RYR2: variants seen among roughly 807,000 people sequenced by gnomAD.
The protein encoded by RYR2 is cardiac muscle ryanodine receptor-calcium release channel.
In RYR2, 227 loss-of-function variants were observed where a neutral mutation model predicts 601.1. The ratio of observed to expected loss-of-function variants is 0.38; its 90% confidence interval spans 0.34 to 0.42. The LOEUF is 0.42. Ranked by LOEUF, RYR2 falls within the 10% of genes least tolerant of loss-of-function variation. The probability of loss-of-function intolerance (pLI) is 1.00; values close to 1 mark genes in which losing one functional copy is unlikely to be tolerated. For missense variants in RYR2, 4,646 were observed against 6,156.5 expected (o/e 0.75, Z 8.21); for synonymous variants, 2,223 against 2,175.1 (o/e 1.02, Z -0.61).
In RYR2 at chr1:237,673,056, G is replaced by A. The variant is rs776756190; in HGVS notation, c.8591-1040G>A. ...GGCTAATTCAACATTTGTGATTGTT[G>A]CAGTAGCTCCTGGCTAAACTATATT... On this transcript the variant is annotated intron_variant, in intron 58 of 104. Transcript: ENST00000366574. Among the ~76,000 whole-genome samples the A allele has an allele frequency of 3.7e-4, 56 of 152,120 alleles. 1 individual carries two copies. Among genetic ancestry groups the A allele is most frequent in the Non-Finnish European group, 3.7e-4 (25 of 68,026 alleles).
intron 30 of RYR2, 123 bp downstream of exon 30, chr1:237,590,124 T>C: frequency 2.3e-6 from 2 of 872,410 alleles, no homozygotes; most frequent in South Asian, 1.9e-5. Context: ...TGATGTGTTA[T>C]ATAGTAGTGG....
chr1:237,307,285 G>C (rs1251317909), intron 2 of RYR2, among the ~76,000 whole-genome samples: 1 of 152,136 alleles, frequency 6.6e-6, no homozygotes, highest in African/African-American at 2.4e-5. Flanking sequence ...AGATCACATA[G>C]CTGCTGAGTA....
intron 80 of RYR2, among the ~76,000 whole-genome samples, chr1:237,746,977 A>T (rs1206030451): frequency 6.6e-6 from 1 of 152,184 alleles, no homozygotes; most frequent in Non-Finnish European, 1.5e-5. Flanking sequence ...ATTAACTATG[A>T]TTTTATTAAA....
rs766012650 is a variant in RYR2, at chr1:237,614,035, A to G, written c.4911-4A>G. On this transcript the variant is annotated splice_region_variant and splice_polypyrimidine_tract_variant and intron_variant, in intron 36 of 104. Transcript: ENST00000366574. The surrounding 1 kb of genome is among the most constrained non-coding windows in gnomAD (Gnocchi z 4.3). ...TCTTACTACCACTCTCCTCCCTTCT[A>G]CAGATCTGTTGACATCTTAGAGTTG... 2 of 1,608,292 alleles carry G rather than the reference A, an allele frequency of 1.2e-6. No individual in the cohort carries two copies. Among genetic ancestry groups the G allele is most frequent in the South Asian group, 2.2e-5 (2 of 90,788 alleles).
At chr1:237,723,020 A>G (rs1382971682) in intron 73 of RYR2, 108 bp from the exon 74 acceptor site, 2 of 928,204 alleles carry the variant, frequency 2.2e-6, no homozygotes, top group East Asian at 4.9e-5. Context: ...ACTGGTAAAC[A>G]CTGTAAAGCC....
chr1:237,172,162 T>C (rs1677478548), intron 1 of RYR2, among the ~76,000 whole-genome samples: 1 of 152,250 alleles, frequency 6.6e-6, no homozygotes, highest in Non-Finnish European at 1.5e-5. Flanking sequence ...GGAAATCTTA[T>C]TCCTTTTTAA....
At chr1:237,126,176 G>T (rs527858009) in intron 1 of RYR2, among the ~76,000 whole-genome samples, 1 of 151,584 alleles carries the variant, frequency 6.6e-6, no homozygotes, top group Admixed American at 6.6e-5. Flanking sequence ...GGCAGAGGTT[G>T]CAGTGAGCCG....
intron 35 of RYR2, among the ~76,000 whole-genome samples, chr1:237,607,387 A>G (rs1677253267): frequency 6.6e-6 from 1 of 151,264 alleles, no homozygotes. Context: ...AAACACTTGG[A>G]CACAGGAAGA....
intron 1 of RYR2, among the ~76,000 whole-genome samples, chr1:237,247,216 G>C (rs6675194): frequency 6.6e-6 from 1 of 152,108 alleles, no homozygotes; most frequent in Non-Finnish European, 1.5e-5. Context: ...AAAAGCTCTC[G>C]ACACTGTGAA....
At chr1:237,062,969 TTC>T (rs1023405288) in intron 1 of RYR2, among the ~76,000 whole-genome samples, 1 of 152,136 alleles carries the variant, frequency 6.6e-6, no homozygotes, top group African/African-American at 2.4e-5. Flanking sequence ...GTTTTTTTTT[TTC>T]TGTTAGTGCA....
In RYR2 at chr1:237,481,111, T is replaced by TATATATATATGTGTAA. The variant is rs1328353659; in HGVS notation, c.1709-10685_1709-10684insGTGTAAATATATATAT. Reference sequence around the variant, plus strand: ...TTATTTTTAAGTGTATATATACATATATATATATATATATACACACACATA... The same window carrying TATATATATATGTGTAA: ...TTATTTTTAAGTGTATATATACATATATATATATATGTGTAAATATATATATATATACACACACATA... On this transcript the variant is annotated intron_variant, in intron 17 of 104. Transcript: ENST00000366574. 1.8e-4 allele frequency among the ~76,000 whole-genome samples: 21 copies of TATATATATATGTGTAA among 118,434 alleles called. 1 individual carries two copies. The highest frequency in any genetic ancestry group is 3.0e-4 in the African/African-American group (6 of 20,154). 77.7% of individuals were successfully genotyped at this position (118,434 alleles called of 152,430 possible).
intron 1 of RYR2, among the ~76,000 whole-genome samples, chr1:237,225,291 C>G (rs943358012): frequency 1.2e-4 from 18 of 152,156 alleles, no homozygotes; most frequent in African/African-American, 4.3e-4. Flanking sequence ...GGATGCCCAC[C>G]TGTATTCGTC....
rs866547321 is a variant in RYR2 at position 237,783,604 on chromosome 1, C to T, written c.11963-71C>T. 21 of 884,148 alleles carry T rather than the reference C, an allele frequency of 2.4e-5. No homozygotes were observed. The Middle Eastern group carries it at 7.5e-4, about 31-fold the overall frequency. The allele number at this position is 884,148 out of a possible 1,614,324, so 54.8% of individuals were successfully genotyped here. A position where few individuals can be genotyped will look rare whatever the true frequency, so the allele number is the denominator to read the frequency against. On this transcript the variant is annotated intron_variant, in intron 89 of 104. Transcript: ENST00000366574. ...TGATTCAGATGTTATTAAAGATCTA[C>T]ATTGTTATCTTCTGTATGATCACTG...
chr1:237,374,503 A>G (rs766532122), intron 6 of RYR2, among the ~76,000 whole-genome samples: 29 of 152,096 alleles, frequency 1.9e-4, no homozygotes, highest in Non-Finnish European at 4.0e-4. Context: ...ACAAAAAAGA[A>G]AATAATTAGC....
intron 12 of RYR2, among the ~76,000 whole-genome samples, chr1:237,424,091 C>A (rs1370775975): frequency 6.6e-6 from 1 of 152,016 alleles, no homozygotes; most frequent in Non-Finnish European, 1.5e-5. Flanking sequence ...GGAAACTCGC[C>A]CCATGATCCA....
At chr1:237,247,305 A>G (rs1445216739) in intron 1 of RYR2, among the ~76,000 whole-genome samples, 1 of 152,220 alleles carries the variant, frequency 6.6e-6, no homozygotes, top group African/African-American at 2.4e-5. Flanking sequence ...CGCTACAGCT[A>G]CACTTTTCTT....
chr1:237,801,367 C>CAAAAAAAAAA, intron 97 of RYR2, among the ~76,000 whole-genome samples: 1 of 95,480 alleles, frequency 1.0e-5, no homozygotes, highest in South Asian at 3.7e-4. Flanking sequence ...CCCATCTCTA[C>CAAAAAAAAAA]AAAAAAAAAA....
intron 2 of RYR2, among the ~76,000 whole-genome samples, chr1:237,272,290 C>T (rs1001393411): frequency 6.7e-6 from 1 of 150,224 alleles, no homozygotes; most frequent in Admixed American, 6.6e-5. Flanking sequence ...ATTGCAGGGG[C>T]GATAGAGGCA....
At chr1:237,417,652 C>T (rs1486282997) in intron 11 of RYR2, among the ~76,000 whole-genome samples, 2 of 152,110 alleles carry the variant, frequency 1.3e-5, no homozygotes, top group Non-Finnish European at 2.9e-5. Context: ...CAATAAAAGT[C>T]ACTGTGTATT....
Sources: allele counts gnomAD v4.1 joint callset (sites outside exome capture counted in the v4.1 genomes callset), GRCh38; gene constraint gnomAD v4.1.1; non-coding constraint Gnocchi (gnomAD v3.1); transcripts MANE v1.5; gene names NCBI Gene and HGNC (gene_info 2026-07-23, HGNC 2026-07-21).